ERCC1: variants seen among roughly 807,000 people sequenced by gnomAD.
ERCC1 encodes ERCC excision repair 1, endonuclease non-catalytic subunit.
A neutral mutation model predicts 37.6 loss-of-function variants in ERCC1; 36 were observed. The ratio of observed to expected loss-of-function variants is 0.96; its 90% CI spans 0.73 to 1.26. The LOEUF (loss-of-function observed/expected upper bound fraction) is 1.26. ERCC1 is among the 50% of genes most tolerant of loss of function. The probability of loss-of-function intolerance (pLI) is 0.00; values close to 1 mark genes in which losing one functional copy is unlikely to be tolerated. For synonymous variants in ERCC1, 156 were observed against 162.1 expected (o/e 0.96, Z 0.28); for missense variants, 349 against 376.5 (o/e 0.93, Z 0.60).
At chr19:45,431,528 T>G (rs1387896990) in intron 1 of ERCC1, among the ~76,000 whole-genome samples, 1 of 152,068 alleles carries the variant, frequency 6.6e-6, no homozygotes, top group Non-Finnish European at 1.5e-5. Flanking sequence ...AATACAAAAA[T>G]TAGCTGGGCG....
chr19:45,423,627 G>A, intron 1 of ERCC1, 154 bp downstream of exon 1: 1 of 1,355,684 alleles, frequency 7.4e-7, no homozygotes, highest in Non-Finnish European at 9.5e-7. Context: ...GATTCTATTG[G>A]CTCCGTCCCC....
At chr19:45,414,492 GAATTAGGCAGGT>G (rs1568578417) in intron 7 of ERCC1, 3 of 345,216 alleles carry the variant, frequency 8.7e-6, no homozygotes, top group African/African-American at 6.4e-5. Context: ...AAAAAAAAAG[GAATTAGGCAGGT>G]AATTGGGCAG....
chr19:45,427,036 G>A (rs954551457), upstream of ERCC1, among the ~76,000 whole-genome samples: 15 of 151,928 alleles, frequency 9.9e-5, no homozygotes, highest in African/African-American at 3.6e-4. Flanking sequence ...GGCTGAGGAG[G>A]GAGAATTGCT....
intron 6 of ERCC1, among the ~76,000 whole-genome samples, chr19:45,416,232 C>G (rs1974061267): frequency 6.6e-6 from 1 of 152,216 alleles, no homozygotes; most frequent in Non-Finnish European, 1.5e-5. Context: ...CCTGGCACTG[C>G]TGAAGAAATG....
intron 7 of ERCC1, 80 bp from the exon 8 acceptor site, chr19:45,414,114 A>G: frequency 8.7e-7 from 1 of 1,148,034 alleles, no homozygotes. Flanking sequence ...GCTGGGTCAC[A>G]GCTGTGTCCC....
In ERCC1 at chr19:45,421,221, T is replaced by C; in HGVS notation, c.278A>G (p.Lys93Arg). 1 of 1,614,202 alleles carries C rather than the reference T, an allele frequency of 6.2e-7. No homozygotes were observed. Among genetic ancestry groups the C allele is most frequent in the Admixed American group, 1.7e-5 (1 of 60,028 alleles). ...LAGETPNQAL[K>R]PGAKSNSIIV... Reference sequence around the variant, plus strand: ...GATGCTGTTGGATTTTGCCCCGGGTTTCAGGGCCTGGTTGGGCGTCTCTCC... The same window carrying C: ...GATGCTGTTGGATTTTGCCCCGGGTCTCAGGGCCTGGTTGGGCGTCTCTCC... Residue 93 changes from lysine (K) to arginine (R), a missense_variant, in exon 3 of 10, where the codon AAA (lysine) becomes AGA (arginine). By Grantham distance (26) the Lys-to-Arg change is conservative. Transcript: ENST00000300853.
chr19:45,409,895 A>ATTTTT lies in ERCC1; in HGVS notation c.844-175_844-171dup, dbSNP rs57573120. 4.8e-3 allele frequency: 816 copies of ATTTTT among 171,562 alleles called. 6 individuals carry two copies. The highest frequency in any genetic ancestry group is 6.3e-3 in the Non-Finnish European group (574 of 90,812). The allele number at this position is 171,562 out of a possible 1,614,324, so 10.6% of individuals were successfully genotyped here. On this transcript the variant is annotated intron_variant, in intron 9 of 9. Coordinates refer to ENST00000300853, the MANE Select transcript of ERCC1 (RefSeq NM_001983.4). Reference sequence around the variant, plus strand: ...TTTTTAAGTTATTATTATTATTATTATTTTTTTTTTTTTTGAGATGGAGTC... The same window carrying ATTTTT: ...TTTTTAAGTTATTATTATTATTATTATTTTTTTTTTTTTTTTTTTGAGATGGAGTC...
In ERCC1 at chr19:45,435,663, C is replaced by T. The variant is rs1188106403; in HGVS notation, c.-7-12282G>A. ...AGAGATGGGGTCTCGCTATGTTGCC[C>T]AGGCTGCTGATCTCAAACTGCTGGC... On this transcript the variant is annotated intron_variant, in intron 1 of 8. Transcript: ENST00000423698. 2.0e-5 allele frequency among the ~76,000 whole-genome samples: 3 copies of T among 151,962 alleles called. No individual in the cohort carries two copies. The East Asian group carries it at 5.8e-4, about 29-fold the overall frequency.
intron 1 of ERCC1, among the ~76,000 whole-genome samples, chr19:45,438,545 T>C (rs1975040683): frequency 6.6e-6 from 1 of 151,600 alleles, no homozygotes; most frequent in South Asian, 2.1e-4. Context: ...ACTGCAACCT[T>C]TGCCTCCCAT....
intron 1 of ERCC1, among the ~76,000 whole-genome samples, chr19:45,435,746 C>G (rs1318846502): frequency 6.6e-6 from 1 of 152,086 alleles, no homozygotes; most frequent in Non-Finnish European, 1.5e-5. Flanking sequence ...GTGTGAGCCT[C>G]CATGTTCAGT....
intron 1 of ERCC1, among the ~76,000 whole-genome samples, chr19:45,442,537 G>A (rs2123607495): frequency 6.6e-6 from 1 of 152,278 alleles, no homozygotes; most frequent in Non-Finnish European, 1.5e-5. Context: ...CAGTGAGTAG[G>A]CCAGACCCCA....
intron 1 of ERCC1, among the ~76,000 whole-genome samples, chr19:45,441,237 A>G (rs905352644): frequency 6.6e-6 from 1 of 152,156 alleles, no homozygotes; most frequent in East Asian, 1.9e-4. Flanking sequence ...AAGGACCTAC[A>G]CTGCATGTTC....
In ERCC1 at chr19:45,420,454, A is replaced by C. The variant is rs2123514016; in HGVS notation, c.322-27T>G. On this transcript the variant is annotated intron_variant, in intron 3 of 9. Coordinates refer to ENST00000300853, the MANE Select transcript of ERCC1 (RefSeq NM_001983.4). This position sits in a 1 kb window ranked among gnomAD's most constrained non-coding sequence, Gnocchi z 4.8. ...TGGGGAGGGACGAAGGGCAGAAGCCATCAATAGGGATGACCCTTGATAACC... is the reference window on the plus strand; with the variant it reads ...TGGGGAGGGACGAAGGGCAGAAGCCCTCAATAGGGATGACCCTTGATAACC... 1.4e-6 allele frequency: 2 copies of C among 1,437,834 alleles called. No homozygotes were observed. The highest frequency in any genetic ancestry group is 9.8e-7 in the Non-Finnish European group (1 of 1,024,984). The allele number at this position is 1,437,834 out of a possible 1,614,324, so 89.1% of individuals were successfully genotyped here.
chr19:45,416,655 A>T, intron 6 of ERCC1, 166 bp downstream of exon 6: 1 of 613,016 alleles, frequency 1.6e-6, no homozygotes, highest in Non-Finnish European at 2.9e-6. Context: ...AAAAAAAAAA[A>T]ATTAAGACCT....
chr19:45,423,128 G>A, intron 2 of ERCC1, 142 bp downstream of exon 2: 1 of 761,198 alleles, frequency 1.3e-6, no homozygotes, highest in Non-Finnish European at 2.2e-6. Context: ...ACTGGGACCT[G>A]GGGAGGACCA....
At chr19:45,438,672 G>C (rs987348047) in intron 1 of ERCC1, among the ~76,000 whole-genome samples, 2 of 149,806 alleles carry the variant, frequency 1.3e-5, no homozygotes, top group Non-Finnish European at 3.0e-5. Context: ...ACAGAGTTTT[G>C]TTCTTTTTGC....
rs757513980 is a variant in ERCC1 at position 45,409,195 on chromosome 19, G to A, written c.*480C>T. Reference sequence around the variant, plus strand: ...CAGAGGTGGTGGGGCCTGAGCTGCCGGATGACCTTGAGCCTCAGGCAGCTC... The same window carrying A: ...CAGAGGTGGTGGGGCCTGAGCTGCCAGATGACCTTGAGCCTCAGGCAGCTC... On this transcript the variant is annotated 3_prime_UTR_variant, in exon 10 of 10. Transcript: ENST00000300853. 1.3e-5 allele frequency: 21 copies of A among 1,613,368 alleles called. No individual in the cohort carries two copies. The highest frequency in any genetic ancestry group is 8.3e-5 in the Admixed American group (5 of 59,922).
At chr19:45,413,297 C>A (rs1171295766) in intron 9 of ERCC1, 3 of 486,798 alleles carry the variant, frequency 6.2e-6, no homozygotes, top group Non-Finnish European at 1.1e-5. Context: ...GAGACAGGAT[C>A]GCTCTGTCAC....
rs1049295952 is a variant in ERCC1 at position 45,407,490 on chromosome 19, C to G, written c.*2185G>C. 2.2e-6 allele frequency: 1 copy of G among 459,758 alleles called. No individual in the cohort carries two copies. The allele number at this position is 459,758 out of a possible 1,614,324, so 28.5% of individuals were successfully genotyped here. ...AACTTGGAGTGTGCAGATAAGCTCA[C>G]TAAAGGTAGGGGCTATTGGTGTTAT... On this transcript the variant is annotated 3_prime_UTR_variant, in exon 10 of 10. Coordinates refer to ENST00000300853, the MANE Select transcript of ERCC1 (RefSeq NM_001983.4).
Sources: gnomAD v4.1 joint callset for allele counts (sites outside exome capture counted in the v4.1 genomes callset) on GRCh38, gnomAD v4.1.1 for gene constraint, Gnocchi (gnomAD v3.1) non-coding constraint, MANE v1.5 for transcripts, NCBI Gene and HGNC (gene_info 2026-07-23, HGNC 2026-07-21) for gene names.